The following KLK6 variants were observed in gnomAD, a reference collection of about 807,000 sequenced individuals.
KLK6 encodes the protein kallikrein related peptidase 6.
KLK6 carries 16 observed loss-of-function variants against 21.7 expected under a neutral mutation model. That is an observed-to-expected ratio of 0.74 (90% CI 0.50 to 1.12). KLK6 has a LOEUF of 1.12. KLK6 is among the 50% of genes most tolerant of loss of function. The pLI is 0.00. For synonymous variants in KLK6, 116 were observed against 120.1 expected (o/e 0.97, Z 0.22); for missense variants, 276 against 304.6 (o/e 0.91, Z 0.70).
intron 6 of KLK6, among the ~76,000 whole-genome samples, chr19:50,960,835 C>T (rs2090830291): frequency 6.6e-6 from 1 of 152,150 alleles, no homozygotes; most frequent in South Asian, 2.1e-4. Flanking sequence ...ATGATCTCGA[C>T]TCACTGCAAC....
intron 4 of KLK6, among the ~76,000 whole-genome samples, chr19:50,965,563 C>CATGTA (rs1255704305): frequency 2.0e-5 from 3 of 152,214 alleles, no homozygotes; most frequent in African/African-American, 7.2e-5. Context: ...CAGGCGTGAG[C>CATGTA]CACCATGCCC....
intron 4 of KLK6, among the ~76,000 whole-genome samples, chr19:50,964,841 T>C (rs1167513083): frequency 6.6e-6 from 1 of 152,198 alleles, no homozygotes; most frequent in Non-Finnish European, 1.5e-5. Context: ...CTTTCCAACC[T>C]TATCTCCCAG....
intron 6 of KLK6, among the ~76,000 whole-genome samples, chr19:50,959,695 G>A (rs1221663721): frequency 0.056 from 1 of 18 alleles, no homozygotes; most frequent in African/African-American, 0.17. Context: ...AGGAGAAGGA[G>A]GAGGAAGAGG....
Position 50,968,055 on chromosome 19 carries a change from C to G in KLK6, c.40+10G>C. The stretch of plus-strand genomic sequence containing the variant: ...TGCAAGCCTCCCCCATCCAAATGCC[C>G]TTTCCCCACCTGCAGCAATCAGACT... On this transcript the variant is annotated intron_variant, in intron 3 of 6. Coordinates refer to ENST00000310157, the MANE Select transcript of KLK6 (RefSeq NM_002774.4). 6.2e-7 allele frequency: 1 copy of G among 1,613,868 alleles called. No homozygotes were observed. Among genetic ancestry groups the G allele is most frequent in the Non-Finnish European group, 8.5e-7 (1 of 1,179,844 alleles).
At chr19:50,968,147 G>C (rs745662607) in intron 2 of KLK6, 35 bp from the exon 3 acceptor site, 1 of 1,587,296 alleles carries the variant, frequency 6.3e-7, no homozygotes, top group Non-Finnish European at 8.7e-7. Context: ...ATTAGTCACT[G>C]CCTCGACCCT....
Position 50,968,432 on chromosome 19 carries a change from G to A in KLK6, c.-9+109C>T, listed in dbSNP as rs375363956. 29 of 418,894 alleles carry A rather than the reference G, an allele frequency of 6.9e-5. 1 individual carries two copies. In the South Asian group the frequency reaches 7.7e-4, roughly 11 times the overall value. The allele number at this position is 418,894 out of a possible 1,614,324, so 25.9% of individuals were successfully genotyped here. ...TCGACAGGAGAGGGTTACCCTAGGG[G>A]GCCCTAGCGTTCTTCCTCTGTATGG... On this transcript the variant is annotated intron_variant, in intron 2 of 6. Transcript: ENST00000310157.
In KLK6 at chr19:50,967,313, T is replaced by A. The variant is rs2122167634; in HGVS notation, c.53A>T (p.Glu18Val). ...LSLIAAAWAE[E>V]QNKLVHGGPC... ...TCCGCCATGCACCAACTTATTCTGC[T>A]CCTCTGCCCAGGCTGAGGGAGAGAA... Residue 18 changes from glutamate (E) to valine (V), a missense_variant, in exon 4 of 7, where the codon GAG becomes GTG. By Grantham distance (121) the Glu-to-Val change is moderately radical (BLOSUM62 -2). Coordinates refer to ENST00000310157, the MANE Select transcript of KLK6 (RefSeq NM_002774.4). The A allele has an allele frequency of 1.9e-6, 3 of 1,606,596 alleles. No homozygotes were observed. Among genetic ancestry groups the A allele is most frequent in the Non-Finnish European group, 2.6e-6 (3 of 1,175,196 alleles).
At chr19:50,966,090 C>T (rs988289554) in intron 4 of KLK6, among the ~76,000 whole-genome samples, 3 of 152,178 alleles carry the variant, frequency 2.0e-5, no homozygotes, top group Admixed American at 2.0e-4. Context: ...CTGACCTCTC[C>T]TCTGAGCTCC....
At position 50,958,986 on chromosome 19, in the gene KLK6, G is replaced by A. The variant is rs1486104126; in HGVS notation, c.*178C>T. The stretch of plus-strand genomic sequence containing the variant: ...CCTCACTCATCACGTCCTCCCCAGT[G>A]ATGCAAGGATGGAGCTGGGGTAAAA... On this transcript the variant is annotated 3_prime_UTR_variant, in exon 7 of 7. Coordinates refer to ENST00000310157, the MANE Select transcript of KLK6 (RefSeq NM_002774.4). 3.0e-6 allele frequency: 2 copies of A among 668,390 alleles called. No homozygotes were observed. The highest frequency in any genetic ancestry group is 5.3e-5 in the East Asian group (2 of 37,742). The allele number at this position is 668,390 out of a possible 1,614,324, so 41.4% of individuals were successfully genotyped here. A position where few individuals can be genotyped will look rare whatever the true frequency, so the allele number is the denominator to read the frequency against.
intron 1 of KLK6, chr19:50,968,898 G>C (rs1250816964): frequency 6.5e-6 from 1 of 154,114 alleles, no homozygotes; most frequent in African/African-American, 2.4e-5. Context: ...CTCTGCTCTT[G>C]GTGACCCCTG....
chr19:50,959,724 G>C (rs1600085643), intron 6 of KLK6, among the ~76,000 whole-genome samples: 1 of 730 alleles, frequency 1.4e-3, no homozygotes, highest in Non-Finnish European at 2.9e-3. Flanking sequence ...AGGAGGAAGA[G>C]GAGGAGGAAG....
At chr19:50,969,236 G>T (rs1432184315) in intron 1 of KLK6, among the ~76,000 whole-genome samples, 2 of 152,108 alleles carry the variant, frequency 1.3e-5, no homozygotes, top group Non-Finnish European at 2.9e-5. Context: ...GAGGGAGGAG[G>T]GGCTGGGGCC....
chr19:50,968,409 G>A (rs1177276784), intron 2 of KLK6, 132 bp downstream of exon 2: 3 of 483,232 alleles, frequency 6.2e-6, no homozygotes, highest in African/African-American at 3.9e-5. Context: ...CCTTCCTGTC[G>A]ACAGGAGAGG....
chr19:50,959,884 G>A (rs1442270650), intron 6 of KLK6, among the ~76,000 whole-genome samples: 2 of 52,648 alleles, frequency 3.8e-5, no homozygotes, highest in African/African-American at 1.1e-4. Flanking sequence ...GGAAGAGGAG[G>A]AGGAGGAAGA....
At chr19:50,963,278 C>A in intron 5 of KLK6, 24 bp downstream of exon 5, 1 of 1,602,328 alleles carries the variant, frequency 6.2e-7, no homozygotes, top group South Asian at 1.1e-5. Flanking sequence ...GTAGCCTGCT[C>A]CCCACCAGCC....
chr19:50,963,235 C>G, intron 5 of KLK6, 67 bp downstream of exon 5: 2 of 1,563,544 alleles, frequency 1.3e-6, no homozygotes, highest in Non-Finnish European at 1.7e-6. Context: ...TTTTCCCACT[C>G]CCCATCCTTT....
chr19:50,964,133 C>A (rs1311953756), intron 4 of KLK6, among the ~76,000 whole-genome samples: 1 of 152,204 alleles, frequency 6.6e-6, no homozygotes, highest in African/African-American at 2.4e-5. Context: ...GCTTCCCTGT[C>A]TTGCCTTGAA....
chr19:50,963,233 C>T lies in KLK6; in HGVS notation c.445+69G>A. 1.3e-5 allele frequency: 21 copies of T among 1,560,220 alleles called. No homozygotes were observed. The South Asian group carries it at 2.2e-4, about 16-fold the overall frequency. ...CCATGGCCCCTCACCAATTTTCCCACTCCCCATCCTTTGGCACACTTCCCC... is the reference window on the plus strand; with the variant it reads ...CCATGGCCCCTCACCAATTTTCCCATTCCCCATCCTTTGGCACACTTCCCC... On this transcript the variant is annotated intron_variant, in intron 5 of 6. Coordinates refer to ENST00000310157, the MANE Select transcript of KLK6 (RefSeq NM_002774.4).
chr19:50,960,294 T>TG (rs1301561605), intron 6 of KLK6, among the ~76,000 whole-genome samples: 1 of 151,970 alleles, frequency 6.6e-6, no homozygotes, highest in Non-Finnish European at 1.5e-5. Context: ...GCGTCCAACT[T>TG]GCTATGTATC....
Sources: allele counts gnomAD v4.1 joint callset (sites outside exome capture counted in the v4.1 genomes callset), GRCh38; gene constraint gnomAD v4.1.1; transcripts MANE v1.5; gene names NCBI Gene and HGNC (gene_info 2026-07-23, HGNC 2026-07-21).